The following PCDH11X variants were observed in gnomAD, a reference collection of about 807,000 sequenced individuals.
PCDH11X encodes protocadherin 11 X-linked.
PCDH11X carries 18 observed loss-of-function variants against 53.3 expected under a neutral mutation model. That is an observed-to-expected ratio of 0.34 (90% confidence interval 0.23 to 0.50). The LOEUF is 0.50. PCDH11X is among the 20% of genes least tolerant of loss of function. PCDH11X has a pLI of 0.98. For missense variants in PCDH11X, 570 were observed against 1,032.4 expected (o/e 0.55, Z 6.14); for synonymous variants, 279 against 393.3 (o/e 0.71, Z 3.44).
intron 8 of PCDH11X, among the ~76,000 whole-genome samples, chrX:92,373,737 A>G (rs1305585957): frequency 8.9e-6 from 1 of 111,972 alleles, no homozygotes; most frequent in East Asian, 2.8e-4. Flanking sequence ...TTAATAATCA[A>G]GTAATTATAT....
At chrX:91,875,617 A>C (rs1197692499) in intron 5 of PCDH11X, among the ~76,000 whole-genome samples, 1 of 110,289 alleles carries the variant, frequency 9.1e-6, no homozygotes, top group Non-Finnish European at 1.9e-5. Context: ...AAATATTCCC[A>C]TACTGTGACT....
At position 91,916,807 on chromosome X, in the gene PCDH11X, A is replaced by G. The variant is rs1402780859; in HGVS notation, c.3033+37534A>G. Among the ~76,000 whole-genome samples, 22 of 111,341 alleles carry G rather than the reference A, an allele frequency of 2.0e-4. 1 individual carries two copies. In the Admixed American group the frequency reaches 2.1e-3, roughly 11 times the overall value. ...CAGAGAAAGAGGGATTTCTCCCTAA[A>G]TCATTCTATGAAGTGTCACCCTAAT... On this transcript the variant is annotated intron_variant, in intron 6 of 10. Transcript: ENST00000682573.
chrX:92,243,529 G>C (rs912670411), intron 7 of PCDH11X, among the ~76,000 whole-genome samples: 1 of 110,250 alleles, frequency 9.1e-6, no homozygotes. Flanking sequence ...CTTAATGTAA[G>C]GTAGAGTGAT....
At chrX:92,419,036 TTC>T (rs2071885293) in intron 9 of PCDH11X, among the ~76,000 whole-genome samples, 1 of 106,135 alleles carries the variant, frequency 9.4e-6, no homozygotes, top group East Asian at 3.3e-4. Context: ...TTTTTTTTTT[TTC>T]ATGTATTTCA....
At chrX:92,167,517 C>G (rs921962720) in intron 6 of PCDH11X, among the ~76,000 whole-genome samples, 4 of 111,772 alleles carry the variant, frequency 3.6e-5, no homozygotes, top group African/African-American at 1.3e-4. Flanking sequence ...GATTTTGCCT[C>G]TTATCTATGT....
chrX:92,575,940 T>C (rs1332896017), intron 10 of PCDH11X, among the ~76,000 whole-genome samples: 3,458 of 26,276 alleles, frequency 0.13, 307 homozygotes, highest in Admixed American at 0.2. Flanking sequence ...TATATATATA[T>C]ATATACACAC....
At chrX:92,261,306 T>C (rs6652632) in intron 7 of PCDH11X, among the ~76,000 whole-genome samples, 13,268 of 111,004 alleles carry the variant, frequency 0.12, 1,223 homozygotes, top group African/African-American at 0.31. Context: ...ATAGAAATTG[T>C]CAAACAAGGG....
chrX:92,521,960 A>G (rs745805751), intron 10 of PCDH11X, among the ~76,000 whole-genome samples: 91 of 112,114 alleles, frequency 8.1e-4, no homozygotes, highest in African/African-American at 2.8e-3. Flanking sequence ...TTTAGCTTAA[A>G]GGAATGTTGG....
At chrX:91,950,834 T>C (rs1185187537) in intron 6 of PCDH11X, among the ~76,000 whole-genome samples, 1 of 109,943 alleles carries the variant, frequency 9.1e-6, no homozygotes, top group Non-Finnish European at 1.9e-5. Context: ...GGCTGAAATA[T>C]AAGCACATTT....
chrX:92,478,179 C>G (rs1291838585), intron 10 of PCDH11X, among the ~76,000 whole-genome samples: 1 of 111,414 alleles, frequency 9.0e-6, no homozygotes, highest in African/African-American at 3.3e-5. Context: ...TTATAAGTTT[C>G]CTGAGGCCTA....
At chrX:92,613,060 G>A (rs766006059) in intron 10 of PCDH11X, among the ~76,000 whole-genome samples, 1 of 110,376 alleles carries the variant, frequency 9.1e-6, no homozygotes, top group Non-Finnish European at 1.9e-5. Context: ...TATGCAGCTT[G>A]TTACTCCATA....
intron 10 of PCDH11X, among the ~76,000 whole-genome samples, chrX:92,474,614 A>T (rs2073337582): frequency 1.1e-5 from 1 of 87,185 alleles, no homozygotes; most frequent in Non-Finnish European, 2.2e-5. Context: ...TCAGTCAGTT[A>T]TCTGTTTTTT....
chrX:91,889,627 T>C, intron 6 of PCDH11X, among the ~76,000 whole-genome samples: 1 of 112,150 alleles, frequency 8.9e-6, no homozygotes, highest in East Asian at 2.8e-4. Context: ...AATTGGTTTT[T>C]TTACACAAAT....
intron 6 of PCDH11X, among the ~76,000 whole-genome samples, chrX:92,151,328 G>A: frequency 9.1e-6 from 1 of 109,715 alleles, no homozygotes; most frequent in Non-Finnish European, 1.9e-5. Context: ...GAGTAGCTGG[G>A]ACTACAGGGG....
chrX:92,056,971 G>A (rs890292874), intron 6 of PCDH11X, among the ~76,000 whole-genome samples: 18 of 110,149 alleles, frequency 1.6e-4, no homozygotes, highest in Non-Finnish European at 3.8e-5. Context: ...TCTTCATTCT[G>A]GACAAAGATA....
chrX:92,090,260 C>T (rs2064028052), intron 6 of PCDH11X, among the ~76,000 whole-genome samples: 1 of 111,528 alleles, frequency 9.0e-6, no homozygotes, highest in Non-Finnish European at 1.9e-5. Flanking sequence ...GATACAGTGC[C>T]ACCTTTTTAT....
intron 9 of PCDH11X, among the ~76,000 whole-genome samples, chrX:92,447,096 T>C (rs913398558): frequency 8.0e-5 from 9 of 112,122 alleles, no homozygotes; most frequent in Non-Finnish European, 1.5e-4. Flanking sequence ...AGAGGTGACT[T>C]GGGTGCTGTT....
intron 5 of PCDH11X, among the ~76,000 whole-genome samples, chrX:91,843,988 A>T (rs111472608): frequency 9.0e-6 from 1 of 111,176 alleles, no homozygotes; most frequent in African/African-American, 3.3e-5. Context: ...AATTAAAATT[A>T]TCCTTATGTA....
chrX:92,469,765 G>A (rs746207618), intron 10 of PCDH11X, among the ~76,000 whole-genome samples: 2 of 110,948 alleles, frequency 1.8e-5, no homozygotes, highest in Non-Finnish European at 3.8e-5. Context: ...TGGCCTATAT[G>A]TCTGTTTTTA....
Sources: allele counts gnomAD v4.1 joint callset (sites outside exome capture counted in the v4.1 genomes callset), GRCh38; gene constraint gnomAD v4.1.1; transcripts MANE v1.5; gene names NCBI Gene and HGNC (gene_info 2026-07-23, HGNC 2026-07-21).